Variants in PARD3 observed in about 807,000 individuals in gnomAD.
The protein encoded by PARD3 is partitioning defective 3 homolog.
In PARD3, 75 loss-of-function variants were observed where a neutral mutation model predicts 155.4. The observed-to-expected ratio is 0.48, with a 90% CI of 0.40 to 0.58. PARD3 has a LOEUF of 0.58. Among genes scored for constraint, PARD3 ranks in the 20% least tolerant of loss-of-function variants. PARD3 has a pLI of 0.00. For missense variants in PARD3, 1,642 were observed against 1,721.7 expected, an observed-to-expected ratio of 0.95 and a Z score of 0.82; for synonymous variants, 576 against 610.5, an observed-to-expected ratio of 0.94 and a Z score of 0.83.
intron 2 of PARD3, among the ~76,000 whole-genome samples, chr10:34,627,671 C>T (rs1366096108): frequency 1.3e-5 from 2 of 152,162 alleles, no homozygotes; most frequent in African/African-American, 4.8e-5. Context: ...AGGTTCTTCT[C>T]TAGAGCCTTT....
At chr10:34,600,047 T>G (rs1231379347) in intron 2 of PARD3, among the ~76,000 whole-genome samples, 1 of 151,468 alleles carries the variant, frequency 6.6e-6, no homozygotes, top group African/African-American at 2.4e-5. Flanking sequence ...AAAAAAGAAA[T>G]AAAAGGGCCA....
intron 1 of PARD3, among the ~76,000 whole-genome samples, chr10:34,746,060 C>A (rs868312360): frequency 6.6e-6 from 1 of 152,238 alleles, no homozygotes; most frequent in Middle Eastern, 3.4e-3. Flanking sequence ...CTAGATCGCA[C>A]CGCTGCACTC....
chr10:34,480,918 C>G (rs1364310211), intron 3 of PARD3, among the ~76,000 whole-genome samples: 7 of 151,330 alleles, frequency 4.6e-5, no homozygotes, highest in Non-Finnish European at 8.8e-5. Context: ...TCTCCTGCCT[C>G]ATCCTCCCAA....
chr10:34,355,829 G>A (rs142855871), intron 14 of PARD3, among the ~76,000 whole-genome samples: 32 of 147,722 alleles, frequency 2.2e-4, no homozygotes, highest in Non-Finnish European at 2.7e-4. Flanking sequence ...CGAGGCTGAG[G>A]CTGGAGAATC....
intron 2 of PARD3, among the ~76,000 whole-genome samples, chr10:34,629,435 GTGTA>G (rs2092148415): frequency 6.6e-6 from 1 of 152,188 alleles, no homozygotes; most frequent in Non-Finnish European, 1.5e-5. Context: ...CAATCTACAC[GTGTA>G]TGTGTGTGCA....
intron 2 of PARD3, among the ~76,000 whole-genome samples, chr10:34,569,429 T>A (rs948763741): frequency 8.6e-5 from 13 of 152,010 alleles, no homozygotes; most frequent in South Asian, 2.1e-4. Flanking sequence ...ATATATATAT[T>A]TTTTTGGAGA....
In PARD3 at chr10:34,502,247, A is replaced by G. The variant is rs541698365; in HGVS notation, c.403+14732T>C. Among the ~76,000 whole-genome samples, 5 of 152,294 alleles carry G rather than the reference A, an allele frequency of 3.3e-5. No individual in the cohort carries two copies. The South Asian group carries it at 8.3e-4, about 25-fold the overall frequency. ...AGACTATGTAGTCACATGAGTCTTA[A>G]ACGTGGAAGAGAAGGTCAGAACGGA... On this transcript the variant is annotated intron_variant, in intron 3 of 24. Transcript: ENST00000374788.
chr10:34,587,174 A>T (rs553869227), intron 2 of PARD3, among the ~76,000 whole-genome samples: 2 of 152,118 alleles, frequency 1.3e-5, no homozygotes, highest in South Asian at 4.2e-4. Flanking sequence ...CCCAGGCTGG[A>T]GGGCAGTGAC....
chr10:34,798,895 G>C (rs1286293605), intron 1 of PARD3, among the ~76,000 whole-genome samples: 2 of 152,002 alleles, frequency 1.3e-5, no homozygotes, highest in Non-Finnish European at 2.9e-5. Flanking sequence ...TGGGCCAGGA[G>C]TCCTCCAACC....
chr10:34,350,251 G>A (rs1057006536), intron 14 of PARD3, among the ~76,000 whole-genome samples: 1 of 152,200 alleles, frequency 6.6e-6, no homozygotes, highest in African/African-American at 2.4e-5. Flanking sequence ...CGGCACTGAG[G>A]AAGAGAGGCA....
intron 24 of PARD3, among the ~76,000 whole-genome samples, chr10:34,118,202 T>C (rs976691052): frequency 5.9e-5 from 9 of 152,276 alleles, no homozygotes; most frequent in Non-Finnish European, 1.3e-4. Context: ...GCCTTATGGA[T>C]TGAAAAAGAA....
intron 4 of PARD3, among the ~76,000 whole-genome samples, chr10:34,454,829 G>A (rs1052287481): frequency 3.9e-5 from 6 of 152,106 alleles, no homozygotes; most frequent in African/African-American, 4.8e-5. Context: ...AAGCCACTCC[G>A]GCTGGGAAAT....
At chr10:34,656,593 C>T (rs1018367226) in intron 2 of PARD3, among the ~76,000 whole-genome samples, 1 of 152,150 alleles carries the variant, frequency 6.6e-6, no homozygotes. Flanking sequence ...AAAGGATTTG[C>T]TTATTGTTAT....
intron 1 of PARD3, among the ~76,000 whole-genome samples, chr10:34,700,701 G>A (rs1476069193): frequency 6.6e-6 from 1 of 152,148 alleles, no homozygotes; most frequent in African/African-American, 2.4e-5. Flanking sequence ...GCCAGGCGCA[G>A]TGGCTCACAC....
At chr10:34,258,609 C>T (rs897798704) in intron 22 of PARD3, among the ~76,000 whole-genome samples, 1 of 152,100 alleles carries the variant, frequency 6.6e-6, no homozygotes, top group Non-Finnish European at 1.5e-5. Flanking sequence ...AAAGAGAGAA[C>T]TGGGCTAGTG....
At chr10:34,206,822 G>A (rs1372667450) in intron 22 of PARD3, among the ~76,000 whole-genome samples, 1 of 152,156 alleles carries the variant, frequency 6.6e-6, no homozygotes, top group African/African-American at 2.4e-5. Context: ...TGTGTCTTAT[G>A]GAGAGGTGCT....
At chr10:34,696,944 T>C (rs1336349957) in intron 1 of PARD3, among the ~76,000 whole-genome samples, 1 of 151,424 alleles carries the variant, frequency 6.6e-6, no homozygotes, top group Admixed American at 6.6e-5. Context: ...AAGACCGTAG[T>C]GAACAAAGCA....
At chr10:34,757,182 T>C (rs1176205814) in intron 1 of PARD3, among the ~76,000 whole-genome samples, 1 of 152,230 alleles carries the variant, frequency 6.6e-6, no homozygotes. Flanking sequence ...CTAAAATACA[T>C]ATTTCCACAA....
At chr10:34,175,506 T>C (rs528389350) in intron 22 of PARD3, among the ~76,000 whole-genome samples, 1 of 152,348 alleles carries the variant, frequency 6.6e-6, no homozygotes, top group East Asian at 1.9e-4. Context: ...ATTTAAATTG[T>C]CTACATGAAT....
Sources: gnomAD v4.1 joint callset for allele counts (sites outside exome capture counted in the v4.1 genomes callset) on GRCh38, gnomAD v4.1.1 for gene constraint, MANE v1.5 for transcripts, NCBI Gene and HGNC (gene_info 2026-07-23, HGNC 2026-07-21) for gene names.